GAL3ST2: variants seen among roughly 807,000 people sequenced by gnomAD.
GAL3ST2 encodes galactose-3-O-sulfotransferase 2.
Under a neutral mutation model 12.9 loss-of-function variants are expected in GAL3ST2, and 16 were observed. That is an observed-to-expected ratio of 1.24 (90% CI 0.84 to 1.88). GAL3ST2 has a LOEUF of 1.88. GAL3ST2 is among the 40% of genes most tolerant of loss of function. The pLI is 0.00. For synonymous variants in GAL3ST2, 302 were observed against 273.9 expected (o/e 1.10, Z -1.01); for missense variants, 639 against 571.8 (o/e 1.12, Z -1.20).
rs1699859426 is a variant in GAL3ST2 at position 241,802,114 on chromosome 2, G to A, written c.375+78G>A. 1.3e-6 allele frequency: 2 copies of A among 1,495,298 alleles called. No homozygotes were observed. Among genetic ancestry groups the A allele is most frequent in the East Asian group, 2.5e-5 (1 of 40,788 alleles). The allele number at this position is 1,495,298 out of a possible 1,614,324, so 92.6% of individuals were successfully genotyped here. A position where few individuals can be genotyped will look rare whatever the true frequency, so the allele number is the denominator to read the frequency against. ...TGGGTCTGGGTGGTGTAGCCTGGAG[G>A]CTGGAGAGAAGGAGTGTAAGGCTTG... On this transcript the variant is annotated intron_variant, in intron 3 of 3. Transcript: ENST00000192314. This position sits in a 1 kb window ranked among gnomAD's most constrained non-coding sequence, Gnocchi z 4.8.
chr2:241,777,120 C>G, intron 1 of GAL3ST2, 136 bp downstream of exon 1: 1 of 790,210 alleles, frequency 1.3e-6, no homozygotes, highest in Non-Finnish European at 1.8e-6. Context: ...ACTCAGGCTT[C>G]CCTGAATTCA....
chr2:241,780,911 G>C (rs1699558612), intron 1 of GAL3ST2, among the ~76,000 whole-genome samples: 1 of 152,212 alleles, frequency 6.6e-6, no homozygotes, highest in Non-Finnish European at 1.5e-5. Flanking sequence ...TATGAGGCCA[G>C]TTTTTCCAAG....
intron 1 of GAL3ST2, among the ~76,000 whole-genome samples, chr2:241,777,934 G>A (rs961790482): frequency 6.6e-5 from 10 of 152,208 alleles, no homozygotes; most frequent in Non-Finnish European, 1.0e-4. Context: ...GAGACTCTGT[G>A]GGTGAGACAT....
At chr2:241,797,789 C>T (rs1699791053) in intron 1 of GAL3ST2, among the ~76,000 whole-genome samples, 1 of 152,244 alleles carries the variant, frequency 6.6e-6, no homozygotes, top group African/African-American at 2.4e-5. Context: ...CCCCAGCCCC[C>T]TGGCCCGCTT....
intron 1 of GAL3ST2, among the ~76,000 whole-genome samples, chr2:241,784,495 C>T (rs564279746): frequency 5.3e-5 from 8 of 152,156 alleles, no homozygotes; most frequent in Non-Finnish European, 8.8e-5. Flanking sequence ...TGGATGCTGG[C>T]AAATTCTTAA....
rs994994728 is a variant in GAL3ST2 at position 241,800,313 on chromosome 2, C to G, written c.119+1159C>G. ...CACAGGCTGGGAGCACAGCCGCCGA[C>G]CCAGGCTGGGAGCACAGCCGCCGAC... On this transcript the variant is annotated intron_variant, in intron 2 of 3. Transcript: ENST00000192314. The surrounding 1 kb of genome is among the most constrained non-coding windows in gnomAD (Gnocchi z 5.2). 2.0e-5 allele frequency among the ~76,000 whole-genome samples: 3 copies of G among 150,868 alleles called. No homozygotes were observed. The highest frequency in any genetic ancestry group is 2.0e-4 in the Admixed American group (3 of 15,186).
chr2:241,802,086 C>T lies in GAL3ST2; in HGVS notation c.375+50C>T, dbSNP rs967643634. The T allele has an allele frequency of 1.2e-5, 18 of 1,548,766 alleles. No homozygotes were observed. The Admixed American group carries it at 2.3e-4, about 20-fold the overall frequency. ...GGGCGGGCTGCAGCCGTGCCTGTGG[C>T]TGTGGGTCTGGGTGGTGTAGCCTGG... On this transcript the variant is annotated intron_variant, in intron 3 of 3. Transcript: ENST00000192314. The surrounding 1 kb of genome is among the most constrained non-coding windows in gnomAD (Gnocchi z 4.8).
In GAL3ST2 at chr2:241,801,992, C is replaced by T. The variant is rs1036165259; in HGVS notation, c.331C>T (p.Arg111Cys). 1.1e-5 allele frequency: 17 copies of T among 1,612,784 alleles called. No individual in the cohort carries two copies. In the East Asian group the frequency reaches 2.9e-4, roughly 27 times the overall value. ...CGTGGAAGGCGTGGGGTCGCAGCAG[C>T]GCTTCAACATCATGTGCAACCACCT... ...RYVEGVGSQQRFNIMCNHLRF... is the reference protein window; with the variant it reads ...RYVEGVGSQQCFNIMCNHLRF... Residue 111 changes from arginine to cysteine, a missense_variant, in exon 3 of 4, where the codon CGC becomes TGC. By Grantham distance (180) the Arg-to-Cys change is radical. Transcript: ENST00000192314. The surrounding 1 kb of genome is among the most constrained non-coding windows in gnomAD (Gnocchi z 4.4).
chr2:241,803,691 T>C lies in GAL3ST2; in HGVS notation c.722T>C (p.Leu241Pro), dbSNP rs1284026245. ...TCCCTGGTGCTGCTGCGGCGCCGGC[T>C]GCGCTGGGCGCTGGACGACGTGGTG... ...DESLVLLRRR[L>P]RWALDDVVAF... is the part of the protein sequence containing the mutation. The change falls in exon 4 of 4, where the codon CTG (leucine) becomes CCG (proline). Residue 241 changes from leucine (L) to proline (P), a missense_variant. Transcript: ENST00000192314. 1 of 1,545,530 alleles carries C rather than the reference T, an allele frequency of 6.5e-7. No individual in the cohort carries two copies.
intron 1 of GAL3ST2, among the ~76,000 whole-genome samples, chr2:241,779,554 A>G (rs1299703764): frequency 2.0e-5 from 3 of 151,188 alleles, no homozygotes; most frequent in Non-Finnish European, 4.4e-5. Context: ...ATTTTTTAGC[A>G]GGTTGTGAAG....
In GAL3ST2 at chr2:241,801,735, G is replaced by C; in HGVS notation, c.120-46G>C. Reference sequence around the variant, plus strand: ...GGGGGTCGCTGTTGGGCGGGGGTTGGGGCATCTGCACCCTTGCTGAAGGCT... The same window carrying C: ...GGGGGTCGCTGTTGGGCGGGGGTTGCGGCATCTGCACCCTTGCTGAAGGCT... On this transcript the variant is annotated intron_variant, in intron 2 of 3. Coordinates refer to ENST00000192314, the MANE Select transcript of GAL3ST2 (RefSeq NM_022134.3). The surrounding 1 kb of genome is among the most constrained non-coding windows in gnomAD (Gnocchi z 4.4). 6.3e-7 allele frequency: 1 copy of C among 1,586,328 alleles called. No homozygotes were observed. The highest frequency in any genetic ancestry group is 8.6e-7 in the Non-Finnish European group (1 of 1,166,586).
chr2:241,785,044 G>T (rs1191409347), intron 1 of GAL3ST2, among the ~76,000 whole-genome samples: 1 of 152,160 alleles, frequency 6.6e-6, no homozygotes, highest in Non-Finnish European at 1.5e-5. Flanking sequence ...TGAGCTCTGG[G>T]CAGAGCCCAC....
rs1327498046 is a variant in GAL3ST2, at chr2:241,790,066, T to C, written c.30-8999T>C. Among the ~76,000 whole-genome samples the C allele has an allele frequency of 5.3e-5, 8 of 152,200 alleles. No homozygotes were observed. In the East Asian group the frequency reaches 1.5e-3, roughly 29 times the overall value. On this transcript the variant is annotated intron_variant, in intron 1 of 3. Coordinates refer to ENST00000192314, the MANE Select transcript of GAL3ST2 (RefSeq NM_022134.3). ...ATGCCACAGAGGAAACAAATTTCCT[T>C]GTCAATTGTGTCTTTGACTATGGTT...
chr2:241,796,179 C>T (rs957852115), intron 1 of GAL3ST2, among the ~76,000 whole-genome samples: 1 of 152,196 alleles, frequency 6.6e-6, no homozygotes, highest in Non-Finnish European at 1.5e-5. Flanking sequence ...AGTCTTGGAG[C>T]TGGGGGTTCC....
At chr2:241,785,381 G>A (rs961526881) in intron 1 of GAL3ST2, among the ~76,000 whole-genome samples, 2 of 151,900 alleles carry the variant, frequency 1.3e-5, no homozygotes, top group South Asian at 4.2e-4. Flanking sequence ...ATGAAACCTT[G>A]TCTCTACTAA....
chr2:241,779,524 T>C (rs1189580886), intron 1 of GAL3ST2, among the ~76,000 whole-genome samples: 2 of 149,370 alleles, frequency 1.3e-5, no homozygotes, highest in African/African-American at 2.4e-5. Flanking sequence ...TGAGCCACCG[T>C]GCCCGGCCCT....
intron 1 of GAL3ST2, among the ~76,000 whole-genome samples, chr2:241,779,303 G>A (rs922244867): frequency 1.5e-5 from 2 of 131,480 alleles, no homozygotes; most frequent in East Asian, 4.9e-4. Flanking sequence ...GAGCGATCTC[G>A]GCTCACTGCA....
At chr2:241,778,609 A>C (rs1485665764) in intron 1 of GAL3ST2, among the ~76,000 whole-genome samples, 1 of 152,150 alleles carries the variant, frequency 6.6e-6, no homozygotes, top group Admixed American at 6.5e-5. Context: ...AACCCCCAAA[A>C]TCTGAGACAG....
At chr2:241,778,194 G>A (rs1171359863) in intron 1 of GAL3ST2, among the ~76,000 whole-genome samples, 1 of 152,236 alleles carries the variant, frequency 6.6e-6, no homozygotes, top group Admixed American at 6.5e-5. Context: ...ATTTTCCTGG[G>A]GTTGGGCAAG....
Sources: gnomAD v4.1 joint callset for allele counts (sites outside exome capture counted in the v4.1 genomes callset) on GRCh38, gnomAD v4.1.1 for gene constraint, Gnocchi (gnomAD v3.1) non-coding constraint, MANE v1.5 for transcripts, NCBI Gene and HGNC (gene_info 2026-07-23, HGNC 2026-07-21) for gene names.